The following CDH18 variants were observed in gnomAD, a reference collection of about 807,000 sequenced individuals.
CDH18 encodes the protein cadherin-18.
A neutral mutation model predicts 67.9 loss-of-function variants in CDH18; 31 were observed. That is an observed-to-expected ratio of 0.46 (90% CI 0.34 to 0.62). CDH18 has a LOEUF of 0.62. CDH18 is among the 20% of genes least tolerant of loss of function. The pLI, the probability that CDH18 is intolerant of heterozygous loss-of-function variation, is 0.01. For synonymous variants in CDH18, 362 were observed against 347.2 expected, an observed-to-expected ratio of 1.04 and a Z score of -0.48; for missense variants, 890 against 975.5, an observed-to-expected ratio of 0.91 and a Z score of 1.17.
chr5:20,405,405 C>T (rs985899591), intron 1 of CDH18, among the ~76,000 whole-genome samples: 15 of 152,116 alleles, frequency 9.9e-5, no homozygotes, highest in African/African-American at 2.4e-4. Flanking sequence ...TGAAACTGGA[C>T]CCCTTCCTTA....
chr5:20,295,117 A>T (rs1747385341), intron 1 of CDH18, among the ~76,000 whole-genome samples: 1 of 152,238 alleles, frequency 6.6e-6, no homozygotes, highest in African/African-American at 2.4e-5. Context: ...AAGATAAAAA[A>T]TGGCACAGAT....
intron 1 of CDH18, among the ~76,000 whole-genome samples, chr5:20,445,896 GC>G (rs1454432280): frequency 2.0e-5 from 3 of 152,092 alleles, no homozygotes; most frequent in African/African-American, 7.2e-5. Flanking sequence ...GGGAGAGTGG[GC>G]TGATTTCTGC....
At chr5:20,245,253 A>T (rs2973193) in intron 2 of CDH18, among the ~76,000 whole-genome samples, 1 of 151,956 alleles carries the variant, frequency 6.6e-6, no homozygotes, top group East Asian at 1.9e-4. Context: ...ATATTGTAGC[A>T]CATTCCAGTT....
chr5:20,127,888 GTTA>G (rs960265248), intron 2 of CDH18, among the ~76,000 whole-genome samples: 5 of 152,044 alleles, frequency 3.3e-5, no homozygotes, highest in South Asian at 2.1e-4. Flanking sequence ...GAGAATTTGT[GTTA>G]TTATTGTTAT....
chr5:20,537,935 A>T (rs1445209787), intron 1 of CDH18, among the ~76,000 whole-genome samples: 1 of 152,226 alleles, frequency 6.6e-6, no homozygotes, highest in African/African-American at 2.4e-5. Context: ...TATTTAGCAC[A>T]AATCAATTTT....
intron 2 of CDH18, among the ~76,000 whole-genome samples, chr5:20,057,135 C>T (rs1009996071): frequency 3.2e-4 from 49 of 152,026 alleles, no homozygotes; most frequent in African/African-American, 1.1e-3. Context: ...GCTCTATTCC[C>T]AGTGTTTAGA....
intron 2 of CDH18, among the ~76,000 whole-genome samples, chr5:20,167,346 T>C (rs868827258): frequency 6.6e-6 from 1 of 152,218 alleles, no homozygotes; most frequent in Admixed American, 6.5e-5. Flanking sequence ...TTTATTTTGC[T>C]TTTTAAGATC....
chr5:20,174,480 G>A (rs1406857632), intron 2 of CDH18, among the ~76,000 whole-genome samples: 1 of 152,136 alleles, frequency 6.6e-6, no homozygotes, highest in Admixed American at 6.6e-5. Flanking sequence ...TGCCATTGAG[G>A]AGAACAAAAA....
At chr5:20,219,212 A>G (rs970942431) in intron 2 of CDH18, among the ~76,000 whole-genome samples, 2 of 151,982 alleles carry the variant, frequency 1.3e-5, no homozygotes, top group African/African-American at 4.8e-5. Context: ...ATAAATACCA[A>G]TGAATTGGAA....
intron 2 of CDH18, among the ~76,000 whole-genome samples, chr5:20,212,885 A>G (rs577534633): frequency 1.2e-4 from 19 of 152,182 alleles, no homozygotes; most frequent in African/African-American, 4.6e-4. Flanking sequence ...TATAAAGACC[A>G]GTAAAATATT....
chr5:19,530,549 C>A (rs1483223422), intron 9 of CDH18, among the ~76,000 whole-genome samples: 1 of 152,038 alleles, frequency 6.6e-6, no homozygotes, highest in African/African-American at 2.4e-5. Context: ...CGTCATTTAG[C>A]ATTAGGTATA....
intron 11 of CDH18, among the ~76,000 whole-genome samples, chr5:19,500,948 T>C (rs142587401): frequency 0.035 from 5,346 of 151,578 alleles, 275 homozygotes; most frequent in African/African-American, 0.12. Flanking sequence ...CTGGCCAACA[T>C]GATGAAACCC....
intron 2 of CDH18, among the ~76,000 whole-genome samples, chr5:20,208,388 G>C (rs1213348539): frequency 1.3e-5 from 2 of 151,984 alleles, no homozygotes; most frequent in Admixed American, 6.6e-5. Context: ...ACAAACATGT[G>C]GGGATTATGG....
intron 3 of CDH18, among the ~76,000 whole-genome samples, chr5:19,758,434 C>CA (rs1293803081): frequency 6.6e-6 from 1 of 152,244 alleles, no homozygotes; most frequent in Non-Finnish European, 1.5e-5. Flanking sequence ...CTCCAAACAA[C>CA]ATCCCTGTCT....
In CDH18 at chr5:20,073,131, C is replaced by T. The variant is rs528130383; in HGVS notation, c.-517-81117G>A. 2.0e-5 allele frequency among the ~76,000 whole-genome samples: 3 copies of T among 152,114 alleles called. No homozygotes were observed. The East Asian group carries it at 5.8e-4, about 29-fold the overall frequency. ...ACAGTTCTTTAAAAATCTATCCCCA[C>T]ATCAAATTTACACTCACAGTCATCT... On this transcript the variant is annotated intron_variant, in intron 2 of 14. Coordinates refer to the CDH18 transcript ENST00000507958.
Position 20,202,670 on chromosome 5 carries a change from A to AT in CDH18, c.-518+52773dup, listed in dbSNP as rs749728319. The stretch of plus-strand genomic sequence containing the variant: ...CAGGTTCTTTTTATTTTTTATTTTT[A>AT]TTTTTTTTGCATTTTGCTAGGATCA... On this transcript the variant is annotated intron_variant, in intron 2 of 14. Transcript: ENST00000507958. Among the ~76,000 whole-genome samples the AT allele has an allele frequency of 2.3e-3, 345 of 151,072 alleles. 2 individuals carry two copies. Among genetic ancestry groups the AT allele is most frequent in the Admixed American group, 5.2e-3 (79 of 15,164 alleles).
At position 20,550,845 on chromosome 5, in the gene CDH18, T is replaced by C. The variant is rs571873046; in HGVS notation, c.-580+24617A>G. Among the ~76,000 whole-genome samples the C allele has an allele frequency of 1.1e-4, 16 of 152,320 alleles. No homozygotes were observed. In the East Asian group the frequency reaches 2.1e-3, roughly 20 times the overall value. On this transcript the variant is annotated intron_variant, in intron 1 of 14. Transcript: ENST00000507958. ...CAAGCCTGGTGCCAGCATCTGCTTC[T>C]GATGAAAGCCTCAGGAAGCTTCCAA...
intron 2 of CDH18, among the ~76,000 whole-genome samples, chr5:19,917,059 A>G (rs1452371752): frequency 6.6e-6 from 1 of 152,130 alleles, no homozygotes; most frequent in African/African-American, 2.4e-5. Flanking sequence ...GCATGTTTGA[A>G]CTCAACATAC....
At chr5:19,487,084 A>G (rs977902071) in intron 11 of CDH18, among the ~76,000 whole-genome samples, 7 of 152,216 alleles carry the variant, frequency 4.6e-5, no homozygotes, top group Non-Finnish European at 7.3e-5. Flanking sequence ...GTATAGCCAG[A>G]ACAAAGAAAT....
Sources: allele counts gnomAD v4.1 joint callset (sites outside exome capture counted in the v4.1 genomes callset), GRCh38; gene constraint gnomAD v4.1.1; transcripts MANE v1.5; gene names NCBI Gene and HGNC (gene_info 2026-07-23, HGNC 2026-07-21).